FBXO17: variants seen among roughly 807,000 people sequenced by gnomAD.
FBXO17 encodes F-box protein 17, also known as F-box only protein 17.
A neutral mutation model predicts 34.1 loss-of-function variants in FBXO17; 43 were observed. The ratio of observed to expected loss-of-function variants is 1.26; its 90% CI spans 0.99 to 1.62. FBXO17 has a LOEUF of 1.62. Ranked by LOEUF, FBXO17 falls within the 40% of genes most tolerant of loss-of-function variation. The pLI, the probability that FBXO17 is intolerant of heterozygous loss-of-function variation, is 0.00. For missense variants in FBXO17, 424 were observed against 386.7 expected (o/e 1.10, Z -0.81); for synonymous variants, 169 against 166.0 (o/e 1.02, Z -0.14).
At chr19:38,944,351 T>TC in intron 5 of FBXO17, among the ~76,000 whole-genome samples, 1 of 152,120 alleles carries the variant, frequency 6.6e-6, no homozygotes, top group Non-Finnish European at 1.5e-5. Context: ...CCAACCATCC[T>TC]CCCACCTCAG....
chr19:38,955,487 T>C (rs1568442064), intron 1 of FBXO17, among the ~76,000 whole-genome samples: 1 of 139,454 alleles, frequency 7.2e-6, no homozygotes, highest in African/African-American at 2.7e-5. Flanking sequence ...TTTCTTTCTT[T>C]TTTTTTTTTT....
At position 38,944,974 on chromosome 19, in the gene FBXO17, G is replaced by T. The variant is rs549735835; in HGVS notation, c.688C>A (p.Arg230=). 1 of 1,614,166 alleles carries T rather than the reference G, an allele frequency of 6.2e-7. No individual in the cohort carries two copies. Among genetic ancestry groups the T allele is most frequent in the South Asian group, 1.1e-5 (1 of 91,088 alleles). The change falls in exon 5 of 6, where the codon CGA becomes AGA. Residue 230 remains arginine, a synonymous_variant. Transcript: ENST00000292852. ...GGAAGCTAGTCTGGACCCACCTGTC[G>T]GCAGCCCCTCTCAGTCCACTGAAGG... ...PVLQWTERGC[R]QVSHVFTNFG...
intron 1 of FBXO17, among the ~76,000 whole-genome samples, chr19:38,952,287 G>A (rs999985509): frequency 6.6e-6 from 1 of 152,142 alleles, no homozygotes; most frequent in African/African-American, 2.4e-5. Context: ...AACCTCAGTC[G>A]GGTTACAGAC....
At chr19:38,959,459 T>G (rs1418552165) in intron 1 of FBXO17, among the ~76,000 whole-genome samples, 1 of 151,398 alleles carries the variant, frequency 6.6e-6, no homozygotes, top group Non-Finnish European at 1.5e-5. Context: ...TTGTATTTTT[T>G]TTTTTTTAGT....
intron 1 of FBXO17, among the ~76,000 whole-genome samples, chr19:38,960,322 A>G (rs867524928): frequency 6.7e-6 from 1 of 150,228 alleles, no homozygotes; most frequent in Non-Finnish European, 1.5e-5. Context: ...GGGGACTGGG[A>G]TCAGCTATGC....
chr19:38,962,724 C>CT (rs147912194), intron 1 of FBXO17, among the ~76,000 whole-genome samples: 26,388 of 148,280 alleles, frequency 0.18, 2,902 homozygotes, highest in South Asian at 0.33. Context: ...TTTTTCTTTC[C>CT]TTTTTTTTTT....
intron 1 of FBXO17, among the ~76,000 whole-genome samples, chr19:38,959,218 G>A (rs531117036): frequency 1.3e-5 from 2 of 150,646 alleles, no homozygotes; most frequent in East Asian, 4.0e-4. Context: ...CCTGCTAAGG[G>A]ATTTCTGAGG....
chr19:38,947,920 G>A (rs1975009824), intron 3 of FBXO17, among the ~76,000 whole-genome samples: 1 of 151,078 alleles, frequency 6.6e-6, no homozygotes, highest in Non-Finnish European at 1.5e-5. Flanking sequence ...CAGGGTTGTT[G>A]CCAGAATTAT....
chr19:38,956,447 T>G (rs1035199154), intron 1 of FBXO17, among the ~76,000 whole-genome samples: 12 of 152,136 alleles, frequency 7.9e-5, no homozygotes, highest in African/African-American at 2.7e-4. Context: ...TTAAAGCCTC[T>G]TAACCAAGGG....
chr19:38,970,713 G>A (rs891008402), intron 1 of FBXO17, among the ~76,000 whole-genome samples: 2 of 152,096 alleles, frequency 1.3e-5, no homozygotes, highest in Non-Finnish European at 2.9e-5. Context: ...GCATTTCACT[G>A]AAGGCCTATT....
At position 38,950,205 on chromosome 19, in the gene FBXO17, C is replaced by T; in HGVS notation, c.115G>A (p.Val39Ile). The change falls in exon 2 of 6, where the codon GTC becomes ATC. Residue 39 changes from valine (V) to isoleucine (I), a missense_variant. By Grantham distance (29) the Val-to-Ile change is conservative. Coordinates refer to ENST00000292852, the MANE Select transcript of FBXO17 (RefSeq NM_024907.7). ...VLSHVPPRSL[V>I]TRCRPVCRAW... ...CGGCACACTGGGCGGCATCGCGTGA[C>T]CAAGGAGCGTGGCGGCACGTGGCTC... is the stretch of plus-strand genomic sequence containing the variant. 1 of 1,551,286 alleles carries T rather than the reference C, an allele frequency of 6.4e-7. No individual in the cohort carries two copies. The highest frequency in any genetic ancestry group is 8.7e-7 in the Non-Finnish European group (1 of 1,155,934).
intron 1 of FBXO17, among the ~76,000 whole-genome samples, chr19:38,951,649 T>A (rs1200323489): frequency 2.7e-5 from 4 of 147,250 alleles, no homozygotes; most frequent in Admixed American, 7.0e-5. Flanking sequence ...GAGTTTGGCT[T>A]TCTATTTTTT....
chr19:38,942,276 T>TTG lies in FBXO17; in HGVS notation c.*331_*332insCA, dbSNP rs2144803636. The TTG allele has an allele frequency of 6.2e-6, 1 of 161,042 alleles. No individual in the cohort carries two copies. Among genetic ancestry groups the TTG allele is most frequent in the African/African-American group, 2.4e-5 (1 of 41,410 alleles). 10.0% of individuals were successfully genotyped at this position (161,042 alleles called of 1,614,324 possible). ...AAAGCTGGTCTTTTTTTTTTTTTTT[T>TTG]TCATTGATATAGGGTCTTGCTTTCT... On this transcript the variant is annotated 3_prime_UTR_variant, in exon 6 of 6. Transcript: ENST00000292852.
chr19:38,960,670 G>T (rs1345994211), intron 1 of FBXO17, among the ~76,000 whole-genome samples: 4 of 151,434 alleles, frequency 2.6e-5, no homozygotes, highest in Non-Finnish European at 4.4e-5. Flanking sequence ...CACCCACACC[G>T]GCTAATTTTT....
chr19:38,969,660 G>A (rs1268365164), intron 1 of FBXO17, among the ~76,000 whole-genome samples: 7 of 137,864 alleles, frequency 5.1e-5, no homozygotes, highest in Non-Finnish European at 1.1e-4. Context: ...GCAGTGGCAT[G>A]ATCTCGACTC....
rs893195752 is a variant in FBXO17 at position 38,941,928 on chromosome 19, C to T, written c.*680G>A. ...GCTCCCTGCCCACGATCATTACCCC[C>T]AAAACATGCCGGCAAGTCTCTGCTC... is the stretch of plus-strand genomic sequence containing the variant. On this transcript the variant is annotated 3_prime_UTR_variant, in exon 6 of 6. Coordinates refer to ENST00000292852, the MANE Select transcript of FBXO17 (RefSeq NM_024907.7). 2 of 152,174 alleles carry T rather than the reference C, an allele frequency of 1.3e-5. No homozygotes were observed. Among genetic ancestry groups the T allele is most frequent in the Non-Finnish European group, 2.9e-5 (2 of 68,042 alleles). 9.4% of individuals were successfully genotyped at this position (152,174 alleles called of 1,614,324 possible).
intron 5 of FBXO17, among the ~76,000 whole-genome samples, chr19:38,943,188 C>G (rs892230200): frequency 9.5e-5 from 14 of 147,272 alleles, no homozygotes; most frequent in African/African-American, 3.0e-4. Flanking sequence ...CAGATCATGG[C>G]CTTGTGGGCC....
intron 1 of FBXO17, among the ~76,000 whole-genome samples, chr19:38,961,977 T>G (rs1975256672): frequency 6.6e-6 from 1 of 152,098 alleles, no homozygotes. Flanking sequence ...TCTGTTACTA[T>G]AAATTCAATT....
chr19:38,944,184 T>C (rs979239623), intron 5 of FBXO17, among the ~76,000 whole-genome samples: 1 of 152,182 alleles, frequency 6.6e-6, no homozygotes, highest in African/African-American at 2.4e-5. Flanking sequence ...TTTCCGTGGC[T>C]GCATAACTTT....
Sources: allele counts gnomAD v4.1 joint callset (sites outside exome capture counted in the v4.1 genomes callset), GRCh38; gene constraint gnomAD v4.1.1; transcripts MANE v1.5; gene names NCBI Gene and HGNC (gene_info 2026-07-23, HGNC 2026-07-21).